Variants in LRBA observed in about 807,000 individuals in gnomAD.
LRBA encodes the protein lipopolysaccharide-responsive and beige-like anchor protein.
Under a neutral mutation model 330.0 loss-of-function variants are expected in LRBA, and 176 were observed. That is an observed-to-expected ratio of 0.53 (90% CI 0.47 to 0.60). The LOEUF is 0.60. Ranked by LOEUF, LRBA falls within the 20% of genes least tolerant of loss-of-function variation. LRBA has a pLI of 0.00. For missense variants in LRBA, 3,259 were observed against 3,444.8 expected (o/e 0.95, Z 1.35); for synonymous variants, 1,230 against 1,193.0 (o/e 1.03, Z -0.64).
chr4:150,522,176 A>G (rs927868603), intron 40 of LRBA, among the ~76,000 whole-genome samples: 2 of 152,176 alleles, frequency 1.3e-5, no homozygotes, highest in Non-Finnish European at 2.9e-5. Flanking sequence ...CATCTATAAG[A>G]AACAGGCTTC....
intron 37 of LRBA, among the ~76,000 whole-genome samples, chr4:150,648,479 G>A (rs756166989): frequency 1.3e-5 from 2 of 151,836 alleles, no homozygotes; most frequent in Non-Finnish European, 2.9e-5. Context: ...AAATATCACA[G>A]GATATTTAAC....
intron 32 of LRBA, among the ~76,000 whole-genome samples, chr4:150,807,757 T>G (rs1013556127): frequency 1.3e-5 from 2 of 152,098 alleles, no homozygotes; most frequent in African/African-American, 4.8e-5. Context: ...GTGATTCTCC[T>G]GCCTCAGCAT....
intron 2 of LRBA, among the ~76,000 whole-genome samples, chr4:150,977,987 C>A (rs1331233965): frequency 1.3e-5 from 2 of 152,256 alleles, no homozygotes; most frequent in Admixed American, 6.5e-5. Context: ...AGGACATAAG[C>A]CTTACTGGCT....
intron 26 of LRBA, among the ~76,000 whole-genome samples, chr4:150,847,822 T>C (rs1406493117): frequency 6.6e-6 from 1 of 152,212 alleles, no homozygotes; most frequent in Admixed American, 6.5e-5. Context: ...AGGGAAGAAG[T>C]GTTTCCAGGA....
rs1435212804 is a variant in LRBA at position 150,766,930 on chromosome 4, C to CAT, written c.5581-5085_5581-5084dup. Among the ~76,000 whole-genome samples, 3 of 152,230 alleles carry CAT rather than the reference C, an allele frequency of 2.0e-5. No individual in the cohort carries two copies. In the East Asian group the frequency reaches 5.8e-4, roughly 29 times the overall value. On this transcript the variant is annotated intron_variant, in intron 34 of 56. Coordinates refer to ENST00000651943, the MANE Select transcript of LRBA (RefSeq NM_001364905.1). ...TTAATTGACTATCACTTCCTAAGGC[C>CAT]ATAATTGTTGACTAGTCAATTTTTA...
intron 22 of LRBA, among the ~76,000 whole-genome samples, chr4:150,860,802 C>A (rs376422596): frequency 6.6e-6 from 1 of 151,064 alleles, no homozygotes; most frequent in African/African-American, 2.4e-5. Context: ...GGCGACAGAG[C>A]GAGACTCCGT....
intron 37 of LRBA, among the ~76,000 whole-genome samples, chr4:150,660,551 AC>A (rs1330999777): frequency 6.7e-6 from 1 of 150,010 alleles, no homozygotes; most frequent in African/African-American, 2.4e-5. Context: ...CCCAGCCACC[AC>A]CCGGTCTGGG....
At chr4:150,656,887 G>A (rs1477715246) in intron 37 of LRBA, among the ~76,000 whole-genome samples, 1 of 152,190 alleles carries the variant, frequency 6.6e-6, no homozygotes, top group Non-Finnish European at 1.5e-5. Flanking sequence ...AGTATTATGA[G>A]TAGAAACAGT....
intron 36 of LRBA, among the ~76,000 whole-genome samples, chr4:150,720,231 CCAAT>C (rs1728750740): frequency 1.3e-5 from 2 of 151,874 alleles, no homozygotes; most frequent in African/African-American, 2.4e-5. Flanking sequence ...ACATATAGCA[CCAAT>C]CAATCAACAA....
intron 22 of LRBA, among the ~76,000 whole-genome samples, chr4:150,862,678 T>TAAA (rs56261716): frequency 2.9e-5 from 4 of 139,990 alleles, no homozygotes; most frequent in Non-Finnish European, 3.1e-5. Flanking sequence ...AAGTATAATT[T>TAAA]AAAAAAAAAA....
At chr4:150,305,281 C>T (rs1196231472) in intron 52 of LRBA, among the ~76,000 whole-genome samples, 1 of 152,194 alleles carries the variant, frequency 6.6e-6, no homozygotes, top group East Asian at 1.9e-4. Context: ...CAGAGTTTTA[C>T]AAGAGTCACA....
chr4:150,606,740 C>T (rs1352022733), intron 37 of LRBA, among the ~76,000 whole-genome samples: 1 of 152,152 alleles, frequency 6.6e-6, no homozygotes, highest in Non-Finnish European at 1.5e-5. Context: ...CACTACATAG[C>T]ATTTCCTCTT....
chr4:150,883,451 C>T (rs532763464), intron 17 of LRBA, among the ~76,000 whole-genome samples: 6 of 152,142 alleles, frequency 3.9e-5, no homozygotes, highest in Middle Eastern at 6.8e-3. Context: ...CAGAGTGAGA[C>T]GCTGTCTCAA....
At chr4:150,360,940 A>C (rs1489531490) in intron 47 of LRBA, among the ~76,000 whole-genome samples, 1 of 152,248 alleles carries the variant, frequency 6.6e-6, no homozygotes, top group African/African-American at 2.4e-5. Context: ...ACTATGCTGT[A>C]ATCTATAAAC....
chr4:150,892,939 T>C (rs1488332426), intron 17 of LRBA, 113 bp downstream of exon 17: 15 of 621,566 alleles, frequency 2.4e-5, no homozygotes, highest in Non-Finnish European at 3.8e-5. Context: ...CTTAACTCAT[T>C]TCATGCTATA....
chr4:150,382,467 A>G (rs1022963812), intron 47 of LRBA, among the ~76,000 whole-genome samples: 2 of 152,080 alleles, frequency 1.3e-5, no homozygotes, highest in African/African-American at 4.8e-5. Flanking sequence ...TACTAAAAAT[A>G]CAAAAATTAG....
At chr4:150,662,296 C>T (rs545201129) in intron 37 of LRBA, among the ~76,000 whole-genome samples, 3 of 152,224 alleles carry the variant, frequency 2.0e-5, no homozygotes, top group African/African-American at 4.8e-5. Context: ...ATTTGCTATT[C>T]GCAGAGGATG....
chr4:150,807,846 C>T (rs1379454779), intron 32 of LRBA, among the ~76,000 whole-genome samples: 1 of 152,034 alleles, frequency 6.6e-6, no homozygotes, highest in Non-Finnish European at 1.5e-5. Context: ...GATGAGTTTT[C>T]ACCATGTTGG....
intron 2 of LRBA, among the ~76,000 whole-genome samples, chr4:150,995,172 T>C (rs1742498001): frequency 6.6e-6 from 1 of 151,954 alleles, no homozygotes; most frequent in Non-Finnish European, 1.5e-5. Context: ...ACCTATGTGG[T>C]CTAGAAAAAC....
Sources: gnomAD v4.1 joint callset for allele counts (sites outside exome capture counted in the v4.1 genomes callset) on GRCh38, gnomAD v4.1.1 for gene constraint, MANE v1.5 for transcripts, NCBI Gene and HGNC (gene_info 2026-07-23, HGNC 2026-07-21) for gene names.